UBE4B: variants seen among roughly 807,000 people sequenced by gnomAD.
The protein encoded by UBE4B is ubiquitination factor E4B.
A neutral mutation model predicts 148.1 loss-of-function variants in UBE4B; 27 were observed. The observed-to-expected ratio is 0.18, with a 90% CI of 0.13 to 0.25. The LOEUF is 0.25. Among genes scored for constraint, UBE4B ranks in the 10% least tolerant of loss-of-function variants. The pLI is 1.00. For missense variants in UBE4B, 1,170 were observed against 1,662.4 expected (o/e 0.70, Z 5.15); for synonymous variants, 596 against 619.3 (o/e 0.96, Z 0.56).
At chr1:10,080,690 A>G (rs1644664047) in intron 2 of UBE4B, among the ~76,000 whole-genome samples, 1 of 152,244 alleles carries the variant, frequency 6.6e-6, no homozygotes, top group Non-Finnish European at 1.5e-5. Context: ...TGGGAAAAGA[A>G]ACTGTGGTAT....
chr1:10,035,389 GTTTTTTTTTTTTTT>G (rs533941719), intron 1 of UBE4B, among the ~76,000 whole-genome samples: 1 of 65,822 alleles, frequency 1.5e-5, no homozygotes, highest in Admixed American at 2.2e-4. Flanking sequence ...CAGAGATACT[GTTTTTTTTTTTTTT>G]TTTTTTTTTT....
chr1:10,144,812 T>C (rs996781065), intron 17 of UBE4B, 128 bp from the exon 18 acceptor site: 9 of 591,162 alleles, frequency 1.5e-5, no homozygotes, highest in Non-Finnish European at 2.4e-5. Flanking sequence ...TAAGATATAC[T>C]CTGATTTTAA....
At chr1:10,053,334 A>G (rs904121599) in intron 1 of UBE4B, among the ~76,000 whole-genome samples, 1 of 151,950 alleles carries the variant, frequency 6.6e-6, no homozygotes, top group Non-Finnish European at 1.5e-5. Flanking sequence ...TATTTTTAGT[A>G]GAGACGGGGT....
chr1:10,132,820 C>T (rs1645616968), intron 15 of UBE4B, among the ~76,000 whole-genome samples: 1 of 152,166 alleles, frequency 6.6e-6, no homozygotes, highest in African/African-American at 2.4e-5. Context: ...AGGAAGGAGC[C>T]AGCCATTGTA....
intron 2 of UBE4B, among the ~76,000 whole-genome samples, chr1:10,094,893 G>A (rs1644906585): frequency 6.6e-6 from 1 of 151,478 alleles, no homozygotes; most frequent in African/African-American, 2.4e-5. Flanking sequence ...CAGATTCAAA[G>A]GATTCTCCTG....
chr1:10,121,229 G>A (rs531941228), intron 9 of UBE4B, among the ~76,000 whole-genome samples: 6 of 151,806 alleles, frequency 4.0e-5, no homozygotes, highest in East Asian at 2.0e-4. Flanking sequence ...GGTGGCAGGC[G>A]CCTGTAGTCC....
At chr1:10,054,783 CTT>C (rs1249879519) in intron 1 of UBE4B, 1,372 of 125,434 alleles carry the variant, frequency 0.011, 9 homozygotes, top group African/African-American at 0.025. Context: ...TATCTTTCTC[CTT>C]TTTTTTTTTT....
Position 10,033,713 on chromosome 1 carries a change from A to G in UBE4B, c.24+19A>G, listed in dbSNP as rs754524224. On this transcript the variant is annotated intron_variant, in intron 1 of 27. Transcript: ENST00000343090. ...TGATGAGGTGAGGAGGTTGGGGGAC[A>G]CCTTGAGGGATTAGTTGGCAACTCG... 4 of 1,551,800 alleles carry G rather than the reference A, an allele frequency of 2.6e-6. No homozygotes were observed. The highest frequency in any genetic ancestry group is 4.0e-5 in the Admixed American group (2 of 50,354).
intron 25 of UBE4B, among the ~76,000 whole-genome samples, chr1:10,177,540 C>A (rs1412342525): frequency 6.6e-6 from 1 of 152,018 alleles, no homozygotes; most frequent in South Asian, 2.1e-4. Context: ...CCTGTAGTCC[C>A]AGCTACTTGG....
Position 10,178,571 on chromosome 1 carries a change from G to A in UBE4B, c.3526-73G>A. ...AAAATCCACAAATGGATAATACTTT[G>A]GATATTTTCTGCAGCTCGCTTTTTT... On this transcript the variant is annotated intron_variant, in intron 25 of 27. Transcript: ENST00000343090. 4 of 1,451,882 alleles carry A rather than the reference G, an allele frequency of 2.8e-6. No individual in the cohort carries two copies. The South Asian group carries it at 5.9e-5, about 21-fold the overall frequency. 89.9% of individuals were successfully genotyped at this position (1,451,882 alleles called of 1,614,324 possible). A position where few individuals can be genotyped will look rare whatever the true frequency, so the allele number is the denominator to read the frequency against.
intron 4 of UBE4B, among the ~76,000 whole-genome samples, chr1:10,102,506 G>A (rs1013696654): frequency 2.1e-5 from 3 of 143,442 alleles, no homozygotes; most frequent in Admixed American, 7.6e-5. Flanking sequence ...CGCCTCCTGG[G>A]TTCAAGCGAT....
At chr1:10,068,203 A>AT (rs1436171793) in intron 1 of UBE4B, among the ~76,000 whole-genome samples, 8 of 150,244 alleles carry the variant, frequency 5.3e-5, no homozygotes, top group African/African-American at 2.0e-4. Context: ...TAATTTTTGT[A>AT]TTTTTAGTAG....
At chr1:10,095,625 T>C (rs1272659872) in intron 3 of UBE4B, 29 bp downstream of exon 3, 4 of 1,613,352 alleles carry the variant, frequency 2.5e-6, no homozygotes, top group African/African-American at 2.7e-5. Flanking sequence ...TCTAATATGC[T>C]CTTTTATTTA....
chr1:10,089,067 C>T (rs577602350), intron 2 of UBE4B, among the ~76,000 whole-genome samples: 5 of 152,124 alleles, frequency 3.3e-5, no homozygotes, highest in East Asian at 1.9e-4. Flanking sequence ...AGTGCAGTGG[C>T]GCGATCTCAG....
chr1:10,083,370 A>G (rs1644714904), intron 2 of UBE4B, among the ~76,000 whole-genome samples: 1 of 152,094 alleles, frequency 6.6e-6, no homozygotes, highest in Non-Finnish European at 1.5e-5. Flanking sequence ...GTCATCTTCA[A>G]TTTCCCCTCA....
chr1:10,156,336 C>T (rs1570998107), intron 21 of UBE4B, among the ~76,000 whole-genome samples: 1 of 150,486 alleles, frequency 6.6e-6, no homozygotes, highest in Non-Finnish European at 1.5e-5. Context: ...ACCTCCCGGG[C>T]TCAAGTGATC....
At chr1:10,076,834 C>T (rs1367543401) in intron 2 of UBE4B, among the ~76,000 whole-genome samples, 1 of 150,330 alleles carries the variant, frequency 6.7e-6, no homozygotes, top group Non-Finnish European at 1.5e-5. Context: ...GTAACCTCCA[C>T]CTTCTGGTTT....
chr1:10,168,163 C>T lies in UBE4B; in HGVS notation c.3226C>T (p.Leu1076Phe). 6.2e-7 allele frequency: 1 copy of T among 1,614,152 alleles called. No individual in the cohort carries two copies. The highest frequency in any genetic ancestry group is 1.1e-5 in the South Asian group (1 of 91,082). The change falls in exon 24 of 28, where the codon CTT (leucine) becomes TTT (phenylalanine). Residue 1076 changes from leucine (L) to phenylalanine (F), a missense_variant. Leu to Phe is a conservative substitution (Grantham distance 22, BLOSUM62 0). Coordinates refer to ENST00000343090, the MANE Select transcript of UBE4B (RefSeq NM_001105562.3). This position sits in a 1 kb window ranked among gnomAD's most constrained non-coding sequence, Gnocchi z 4.9. ...TCAGCAGCAGGCTCGTCAGTCTCAG[C>T]TTGCTCAGGATGAGCGTGTGTCCCG... ...RDQQQARQSQ[L>F]AQDERVSRSY...
chr1:10,072,981 A>C (rs977327765), intron 2 of UBE4B: 1 of 152,982 alleles, frequency 6.5e-6, no homozygotes, highest in African/African-American at 2.4e-5. Context: ...AATCGTGTCA[A>C]TTAAAAGTAT....
Sources: allele counts gnomAD v4.1 joint callset (sites outside exome capture counted in the v4.1 genomes callset), GRCh38; gene constraint gnomAD v4.1.1; non-coding constraint Gnocchi (gnomAD v3.1); transcripts MANE v1.5; gene names NCBI Gene and HGNC (gene_info 2026-07-23, HGNC 2026-07-21).